The following GATAD2A variants were observed in gnomAD, a reference collection of about 807,000 sequenced individuals.
The protein encoded by GATAD2A is GATA zinc finger domain containing 2A, also known as transcriptional repressor p66-alpha.
A neutral mutation model predicts 68.5 loss-of-function variants in GATAD2A; 12 were observed. The observed-to-expected ratio is 0.18, with a 90% CI of 0.11 to 0.28. GATAD2A has a LOEUF of 0.28. Ranked by LOEUF, GATAD2A falls within the 10% of genes least tolerant of loss-of-function variation. The pLI, the probability that GATAD2A is intolerant of heterozygous loss-of-function variation, is 1.00. For synonymous variants in GATAD2A, 410 were observed against 375.3 expected (o/e 1.09, Z -1.07); for missense variants, 755 against 868.5 (o/e 0.87, Z 1.64).
At chr19:19,422,872 C>T (rs147504821) in intron 1 of GATAD2A, among the ~76,000 whole-genome samples, 33 of 152,104 alleles carry the variant, frequency 2.2e-4, no homozygotes, top group African/African-American at 7.0e-4. Flanking sequence ...CCACCACGCC[C>T]GGCTAATTTT....
chr19:19,490,649 A>G (rs1283909994), intron 2 of GATAD2A, among the ~76,000 whole-genome samples: 1 of 152,174 alleles, frequency 6.6e-6, no homozygotes, highest in Admixed American at 6.5e-5. Context: ...AATGAGGCCG[A>G]GGCGGGCGGA....
At chr19:19,474,591 C>T (rs1414575802) in intron 2 of GATAD2A, among the ~76,000 whole-genome samples, 1 of 152,174 alleles carries the variant, frequency 6.6e-6, no homozygotes, top group African/African-American at 2.4e-5. Context: ...TCTCACTTGT[C>T]AGTAGACATG....
intron 1 of GATAD2A, among the ~76,000 whole-genome samples, chr19:19,434,582 G>T (rs899217681): frequency 6.6e-6 from 1 of 152,154 alleles, no homozygotes; most frequent in African/African-American, 2.4e-5. Flanking sequence ...GTAGTCCTGT[G>T]GGTGCAAAGA....
At chr19:19,406,276 C>T (rs2050236477) in intron 1 of GATAD2A, among the ~76,000 whole-genome samples, 1 of 151,876 alleles carries the variant, frequency 6.6e-6, no homozygotes, top group Non-Finnish European at 1.5e-5. Flanking sequence ...CGCGGCGTCG[C>T]CCCGCTTCCG....
At chr19:19,434,305 A>G (rs970614930) in intron 1 of GATAD2A, among the ~76,000 whole-genome samples, 1 of 152,132 alleles carries the variant, frequency 6.6e-6, no homozygotes, top group Non-Finnish European at 1.5e-5. Context: ...GGATTGGCAG[A>G]TACAAAATAG....
chr19:19,477,541 C>T (rs1378476250), intron 2 of GATAD2A, among the ~76,000 whole-genome samples: 1 of 152,038 alleles, frequency 6.6e-6, no homozygotes, highest in Admixed American at 6.6e-5. Flanking sequence ...GACTGCAGCC[C>T]AGAAATCATG....
intron 1 of GATAD2A, among the ~76,000 whole-genome samples, chr19:19,456,307 C>T (rs1440803675): frequency 6.6e-6 from 1 of 152,164 alleles, no homozygotes; most frequent in Non-Finnish European, 1.5e-5. Context: ...CTCGGGGTCC[C>T]GCATGTTATG....
Position 19,416,358 on chromosome 19 carries a change from G to C in GATAD2A, c.-7+10339G>C, listed in dbSNP as rs548472793. Among the ~76,000 whole-genome samples, 12 of 152,262 alleles carry C rather than the reference G, an allele frequency of 7.9e-5. No individual in the cohort carries two copies. In the East Asian group the frequency reaches 2.3e-3, roughly 29 times the overall value. On this transcript the variant is annotated intron_variant, in intron 1 of 11. Transcript: ENST00000683918. ...GTTTTGTTCAGATGAGAGATGATTT[G>C]GGGTGGGGGTGGTGGCAGGTTCCGG...
chr19:19,413,921 A>G (rs1281493186), intron 1 of GATAD2A, among the ~76,000 whole-genome samples: 1 of 152,054 alleles, frequency 6.6e-6, no homozygotes, highest in Non-Finnish European at 1.5e-5. Context: ...CGTTTGATGA[A>G]CTGACCTCGG....
At chr19:19,483,683 C>T (rs143010242) in intron 2 of GATAD2A, among the ~76,000 whole-genome samples, 2 of 151,844 alleles carry the variant, frequency 1.3e-5, no homozygotes, top group East Asian at 1.9e-4. Flanking sequence ...GGCACAATCT[C>T]GGCTCACTGC....
intron 2 of GATAD2A, among the ~76,000 whole-genome samples, chr19:19,478,449 C>T (rs1001774281): frequency 6.6e-6 from 1 of 152,134 alleles, no homozygotes; most frequent in Non-Finnish European, 1.5e-5. Flanking sequence ...AAAAAAGTAG[C>T]TGGGTGTGGT....
intron 7 of GATAD2A, among the ~76,000 whole-genome samples, chr19:19,496,767 A>G (rs1367675850): frequency 6.6e-6 from 1 of 152,190 alleles, no homozygotes; most frequent in Non-Finnish European, 1.5e-5. Context: ...TGGAAGTAGG[A>G]TGGGAAGAGC....
At chr19:19,389,409 C>G (rs1470955425) in intron 1 of GATAD2A, among the ~76,000 whole-genome samples, 1 of 152,200 alleles carries the variant, frequency 6.6e-6, no homozygotes, top group Non-Finnish European at 1.5e-5. Flanking sequence ...GGCAGTCTCT[C>G]TCCTGTTCAT....
chr19:19,425,905 T>C (rs1217109949), intron 1 of GATAD2A, among the ~76,000 whole-genome samples: 1 of 152,128 alleles, frequency 6.6e-6, no homozygotes, highest in Admixed American at 6.6e-5. Flanking sequence ...TCTTCCCATG[T>C]CAGCCTCTAG....
chr19:19,496,345 T>C (rs1457481779), intron 7 of GATAD2A, 126 bp downstream of exon 7: 1 of 869,468 alleles, frequency 1.2e-6, no homozygotes, highest in African/African-American at 1.7e-5. Context: ...CCTTGCTCTT[T>C]CAGAGCCAGG....
intron 1 of GATAD2A, among the ~76,000 whole-genome samples, chr19:19,434,135 G>A (rs2054055214): frequency 6.6e-6 from 1 of 151,858 alleles, no homozygotes. Context: ...CACCTTTTTT[G>A]TGCTAATGTA....
chr19:19,469,962 A>C (rs1053374851), intron 2 of GATAD2A, among the ~76,000 whole-genome samples: 6 of 142,578 alleles, frequency 4.2e-5, no homozygotes, highest in East Asian at 2.2e-4. Flanking sequence ...AAAAAAAAAG[A>C]AGCAAGATTC....
chr19:19,386,278 C>G (rs911546718), intron 1 of GATAD2A: 1 of 153,144 alleles, frequency 6.5e-6, no homozygotes, highest in East Asian at 1.9e-4. Context: ...AGCCCCTGCT[C>G]TGGGCCCCCC....
At position 19,494,342 on chromosome 19, in the gene GATAD2A, C is replaced by T. The variant is rs1296839596; in HGVS notation, c.583C>T (p.Arg195Trp). The T allele has an allele frequency of 5.6e-6, 9 of 1,612,974 alleles. No individual in the cohort carries two copies. Among genetic ancestry groups the T allele is most frequent in the African/African-American group, 2.7e-5 (2 of 74,902 alleles). The change falls in exon 5 of 12, where the codon CGG (arginine) becomes TGG (tryptophan). Residue 195 changes from arginine (R) to tryptophan (W), a missense_variant. Arg to Trp is a moderately radical substitution (Grantham distance 101). Transcript: ENST00000683918. ...CGTGACCACCCCTCCCCCGCTTGTT[C>T]GGGGCACTCAGAACATTCCTGCTGG... ...STVTTPPPLV[R>W]GTQNIPAGKP...
Sources: allele counts gnomAD v4.1 joint callset (sites outside exome capture counted in the v4.1 genomes callset), GRCh38; gene constraint gnomAD v4.1.1; transcripts MANE v1.5; gene names NCBI Gene and HGNC (gene_info 2026-07-23, HGNC 2026-07-21).